The following NOS1AP variants were observed in gnomAD, a reference collection of about 807,000 sequenced individuals.
NOS1AP encodes the protein carboxyl-terminal PDZ ligand of neuronal nitric oxide synthase protein.
NOS1AP carries 21 observed loss-of-function variants against 56.2 expected under a neutral mutation model. The observed-to-expected ratio is 0.37, with a 90% CI of 0.26 to 0.54. The LOEUF (loss-of-function observed/expected upper bound fraction) is 0.54, where lower values mean the gene tolerates loss of function less well. NOS1AP is among the 20% of genes least tolerant of loss of function. NOS1AP has a pLI of 0.84. For missense variants in NOS1AP, 522 were observed against 657.8 expected (o/e 0.79, Z 2.26); for synonymous variants, 270 against 274.6 (o/e 0.98, Z 0.17).
chr1:162,130,180 TATA>T (rs1220106800), intron 1 of NOS1AP, among the ~76,000 whole-genome samples: 2 of 152,324 alleles, frequency 1.3e-5, no homozygotes, highest in African/African-American at 4.8e-5. Flanking sequence ...TGATAATGGC[TATA>T]ATAACAATAG....
chr1:162,271,916 C>T (rs1654592395), intron 2 of NOS1AP, among the ~76,000 whole-genome samples: 1 of 152,182 alleles, frequency 6.6e-6, no homozygotes, highest in African/African-American at 2.4e-5. Flanking sequence ...TTTTTGGTCT[C>T]ACTCTGTCAC....
chr1:162,078,251 C>T (rs1249568206), intron 1 of NOS1AP, among the ~76,000 whole-genome samples: 7 of 152,190 alleles, frequency 4.6e-5, no homozygotes, highest in Non-Finnish European at 7.3e-5. Flanking sequence ...TCATCTGTAC[C>T]TGAATGTGTT....
At chr1:162,154,609 C>T (rs1649856070) in intron 2 of NOS1AP, 133 bp downstream of exon 2, 1 of 687,270 alleles carries the variant, frequency 1.5e-6, no homozygotes, top group Non-Finnish European at 2.6e-6. Context: ...TCTCTGTACC[C>T]TCTAGGTAGC....
intron 1 of NOS1AP, among the ~76,000 whole-genome samples, chr1:162,139,085 T>C (rs554154386): frequency 6.6e-6 from 1 of 152,100 alleles, no homozygotes; most frequent in East Asian, 1.9e-4. Context: ...CCCTTGTGGA[T>C]GAGGGCTCTG....
At chr1:162,333,691 G>A (rs1331439370) in intron 5 of NOS1AP, among the ~76,000 whole-genome samples, 1 of 152,102 alleles carries the variant, frequency 6.6e-6, no homozygotes, top group African/African-American at 2.4e-5. Context: ...CCTCTCACTG[G>A]AACCCTGAGT....
intron 2 of NOS1AP, among the ~76,000 whole-genome samples, chr1:162,214,260 C>T (rs1284668352): frequency 2.4e-5 from 3 of 123,724 alleles, no homozygotes; most frequent in South Asian, 4.8e-4. Flanking sequence ...CTTGTTCATT[C>T]GTTCGTTCGT....
chr1:162,177,923 T>G (rs1651119810), intron 2 of NOS1AP, among the ~76,000 whole-genome samples: 1 of 152,232 alleles, frequency 6.6e-6, no homozygotes, highest in Non-Finnish European at 1.5e-5. Flanking sequence ...GACGAGTGTT[T>G]AATGACATGT....
chr1:162,128,823 A>G (rs1648613150), intron 1 of NOS1AP, among the ~76,000 whole-genome samples: 1 of 152,178 alleles, frequency 6.6e-6, no homozygotes, highest in Non-Finnish European at 1.5e-5. Context: ...TCAGTTTAAA[A>G]TGAGGATTTT....
intron 2 of NOS1AP, among the ~76,000 whole-genome samples, chr1:162,272,058 G>T (rs1405206219): frequency 1.3e-5 from 2 of 151,890 alleles, no homozygotes; most frequent in Admixed American, 1.3e-4. Context: ...TCACTATATT[G>T]CCCTGGCTGG....
chr1:162,089,089 G>T (rs966894900), intron 1 of NOS1AP, among the ~76,000 whole-genome samples: 2 of 152,096 alleles, frequency 1.3e-5, no homozygotes, highest in African/African-American at 4.8e-5. Context: ...CATTATCTTG[G>T]CACCAGGGAT....
In NOS1AP at chr1:162,188,606, G is replaced by T. The variant is rs1194191395; in HGVS notation, c.177+34130G>T. Among the ~76,000 whole-genome samples, 1 of 152,198 alleles carries T rather than the reference G, an allele frequency of 6.6e-6. No individual in the cohort carries two copies. The highest frequency in any genetic ancestry group is 1.9e-4 in the East Asian group (1 of 5,200). On this transcript the variant is annotated intron_variant, in intron 2 of 9. Transcript: ENST00000361897. The surrounding 1 kb of genome is among the most constrained non-coding windows in gnomAD (Gnocchi z 4.0). ...CAAGAGGGCAATCTGGCTGGCTTCT[G>T]TCGAATCTTTGGAAAAAGTGACAGA...
intron 2 of NOS1AP, among the ~76,000 whole-genome samples, chr1:162,158,134 A>C (rs1233708077): frequency 1.3e-5 from 2 of 151,998 alleles, no homozygotes; most frequent in East Asian, 3.9e-4. Context: ...GACACTCTAT[A>C]CCCATTAAAC....
chr1:162,162,476 A>G (rs923566050), intron 2 of NOS1AP, among the ~76,000 whole-genome samples: 4 of 152,140 alleles, frequency 2.6e-5, no homozygotes, highest in South Asian at 2.1e-4. Flanking sequence ...ATAACTCTCA[A>G]TGTCTTTTCT....
chr1:162,157,160 C>T (rs1650007812), intron 2 of NOS1AP: 1 of 154,414 alleles, frequency 6.5e-6, no homozygotes, highest in Admixed American at 6.5e-5. Flanking sequence ...ACCCCAGTCT[C>T]CTTTTCCCTC....
intron 2 of NOS1AP, among the ~76,000 whole-genome samples, chr1:162,205,889 G>C (rs1280083718): frequency 6.6e-6 from 1 of 152,128 alleles, no homozygotes; most frequent in Non-Finnish European, 1.5e-5. Context: ...AAAAAGTTTG[G>C]CAGCCTCTGA....
chr1:162,231,873 A>G (rs985171198), intron 2 of NOS1AP, among the ~76,000 whole-genome samples: 1 of 152,250 alleles, frequency 6.6e-6, no homozygotes, highest in Non-Finnish European at 1.5e-5. Flanking sequence ...GTGAAGTTCA[A>G]ACAGAAACCA....
chr1:162,245,052 G>A (rs1380626922), intron 2 of NOS1AP, among the ~76,000 whole-genome samples: 1 of 152,164 alleles, frequency 6.6e-6, no homozygotes, highest in African/African-American at 2.4e-5. Flanking sequence ...TAGAGGAGGA[G>A]GGGACAAGGA....
At chr1:162,144,172 A>G (rs190406893) in intron 1 of NOS1AP, among the ~76,000 whole-genome samples, 42 of 152,342 alleles carry the variant, frequency 2.8e-4, no homozygotes, top group East Asian at 1.9e-4. Flanking sequence ...TTGGGTGTCC[A>G]TACACAGGCA....
At chr1:162,281,940 A>C (rs190082272) in intron 2 of NOS1AP, among the ~76,000 whole-genome samples, 29 of 152,294 alleles carry the variant, frequency 1.9e-4, no homozygotes, top group African/African-American at 7.0e-4. Context: ...TTTCTACTTA[A>C]AATACAAAAA....
Sources: allele counts gnomAD v4.1 joint callset (sites outside exome capture counted in the v4.1 genomes callset), GRCh38; gene constraint gnomAD v4.1.1; non-coding constraint Gnocchi (gnomAD v3.1); transcripts MANE v1.5; gene names NCBI Gene and HGNC (gene_info 2026-07-23, HGNC 2026-07-21).